Variants in LPXN observed in about 807,000 individuals in gnomAD.
LPXN encodes the protein leupaxin.
Under a neutral mutation model 45.6 loss-of-function variants are expected in LPXN, and 28 were observed. The ratio of observed to expected loss-of-function variants is 0.61; its 90% CI spans 0.45 to 0.84. The LOEUF (loss-of-function observed/expected upper bound fraction) is 0.84. Ranked by LOEUF, LPXN falls within the 40% of genes least tolerant of loss-of-function variation. The probability of loss-of-function intolerance (pLI) is 0.00; values close to 1 mark genes in which losing one functional copy is unlikely to be tolerated. For synonymous variants in LPXN, 166 were observed against 169.9 expected (o/e 0.98, Z 0.18); for missense variants, 459 against 475.0 (o/e 0.97, Z 0.31).
chr11:58,544,866 C>T (rs1370952764), intron 7 of LPXN, among the ~76,000 whole-genome samples: 1 of 152,106 alleles, frequency 6.6e-6, no homozygotes, highest in African/African-American at 2.4e-5. Flanking sequence ...AAGAGCTCAT[C>T]CCTGTGGGAG....
intron 2 of LPXN, among the ~76,000 whole-genome samples, chr11:58,568,556 T>C (rs544177718): frequency 5.5e-4 from 83 of 151,296 alleles, no homozygotes; most frequent in African/African-American, 1.7e-3. Context: ...TGAGCCAAGA[T>C]TGCACCACTG....
At chr11:58,555,829 A>C (rs1854186704) in intron 3 of LPXN, among the ~76,000 whole-genome samples, 1 of 152,052 alleles carries the variant, frequency 6.6e-6, no homozygotes, top group South Asian at 2.1e-4. Context: ...ATTGAGAAGA[A>C]AATATATAAA....
intron 7 of LPXN, among the ~76,000 whole-genome samples, chr11:58,531,101 A>C (rs2120182550): frequency 6.6e-6 from 1 of 152,320 alleles, no homozygotes; most frequent in East Asian, 1.9e-4. Flanking sequence ...ATGGGGAGAA[A>C]CCAATGCAAA....
At chr11:58,542,733 T>A (rs981881745) in intron 7 of LPXN, among the ~76,000 whole-genome samples, 13 of 152,062 alleles carry the variant, frequency 8.5e-5, no homozygotes, top group Non-Finnish European at 2.9e-5. Context: ...AAAACTATTA[T>A]GAAATTATGA....
chr11:58,571,831 T>C (rs1040954418), intron 1 of LPXN, among the ~76,000 whole-genome samples: 3 of 152,234 alleles, frequency 2.0e-5, no homozygotes, highest in Non-Finnish European at 4.4e-5. Flanking sequence ...CCTTATTTTG[T>C]AGATCACAAG....
intron 7 of LPXN, among the ~76,000 whole-genome samples, chr11:58,531,819 C>T (rs1028342747): frequency 1.3e-5 from 2 of 152,376 alleles, no homozygotes; most frequent in Middle Eastern, 3.4e-3. Flanking sequence ...GCTCTTGGCA[C>T]GTCCTTGGCC....
At chr11:58,570,377 T>C (rs1396203502) in intron 2 of LPXN, among the ~76,000 whole-genome samples, 179 bp downstream of exon 2, 1 of 151,936 alleles carries the variant, frequency 6.6e-6, no homozygotes, top group African/African-American at 2.4e-5. Flanking sequence ...TCCTCTGTGA[T>C]GATTTTCTCA....
chr11:58,576,129 T>TGC (rs1854882125), upstream of LPXN, among the ~76,000 whole-genome samples: 1 of 152,076 alleles, frequency 6.6e-6, no homozygotes, highest in Non-Finnish European at 1.5e-5. Context: ...GACTTATACT[T>TGC]GCGTTTTTTC....
Position 58,570,440 on chromosome 11 carries a change from T to C in LPXN, c.171+116A>G. The C allele has an allele frequency of 2.8e-6, 2 of 713,962 alleles. 1 individual carries two copies. The highest frequency in any genetic ancestry group is 4.3e-6 in the Non-Finnish European group (2 of 461,856). The allele number at this position is 713,962 out of a possible 1,614,324, so 44.2% of individuals were successfully genotyped here. ...TTAGATTAACATTGAGGCATTATTT[T>C]TTCTCTTTCTTGGATATATTATTCT... On this transcript the variant is annotated intron_variant, in intron 2 of 8. Coordinates refer to ENST00000395074, the MANE Select transcript of LPXN (RefSeq NM_004811.3).
At chr11:58,531,437 C>T (rs896373122) in intron 7 of LPXN, among the ~76,000 whole-genome samples, 1 of 151,260 alleles carries the variant, frequency 6.6e-6, no homozygotes, top group Non-Finnish European at 1.5e-5. Context: ...CTGAATTGAT[C>T]AAGCAGAAGA....
At chr11:58,538,837 A>T (rs1400521432) in intron 7 of LPXN, among the ~76,000 whole-genome samples, 1 of 152,104 alleles carries the variant, frequency 6.6e-6, no homozygotes, top group Non-Finnish European at 1.5e-5. Context: ...AACTTATTAC[A>T]GGTAGATTAC....
intron 2 of LPXN, among the ~76,000 whole-genome samples, chr11:58,569,066 G>A (rs1483203102): frequency 6.6e-6 from 1 of 152,146 alleles, no homozygotes; most frequent in African/African-American, 2.4e-5. Context: ...AGATAAATTC[G>A]TATCGTTAAA....
intron 3 of LPXN, among the ~76,000 whole-genome samples, chr11:58,557,059 G>A (rs532174604): frequency 2.6e-5 from 4 of 152,136 alleles, no homozygotes; most frequent in African/African-American, 7.2e-5. Flanking sequence ...GTTGGCCAGG[G>A]TATGGAGAAA....
intron 4 of LPXN, among the ~76,000 whole-genome samples, chr11:58,552,985 C>T (rs1590558542): frequency 6.6e-6 from 1 of 152,062 alleles, no homozygotes; most frequent in East Asian, 1.9e-4. Flanking sequence ...GGAAACAGTT[C>T]AGTGCAAGCT....
chr11:58,561,593 C>A (rs778337887), intron 3 of LPXN, among the ~76,000 whole-genome samples: 5 of 152,212 alleles, frequency 3.3e-5, no homozygotes, highest in African/African-American at 4.8e-5. Context: ...CTGCCACAGG[C>A]AAATGCCTTG....
chr11:58,550,052 C>G lies in LPXN; in HGVS notation c.581G>C (p.Ser194Thr), dbSNP rs779571521. The change falls in exon 6 of 9, where the codon AGT becomes ACT. Residue 194 changes from serine (S) to threonine (T), a missense_variant. Coordinates refer to ENST00000395074, the MANE Select transcript of LPXN (RefSeq NM_004811.3). Reference sequence around the variant, plus strand: ...GTCGTTGGGGCAGTAGGCCAAGCCACTCCGCTCAAAGAAGGGACTGGAGCC... The same window carrying G: ...GTCGTTGGGGCAGTAGGCCAAGCCAGTCCGCTCAAAGAAGGGACTGGAGCC... ...EIGSSPFFER[S>T]GLAYCPNDYH... The G allele has an allele frequency of 6.2e-7, 1 of 1,614,230 alleles. No individual in the cohort carries two copies. Among genetic ancestry groups the G allele is most frequent in the Non-Finnish European group, 8.5e-7 (1 of 1,180,030 alleles).
In LPXN at chr11:58,570,672, T is replaced by G. The variant is rs747499633; in HGVS notation, c.55A>C (p.Ser19Arg). The G allele has an allele frequency of 3.7e-6, 6 of 1,613,622 alleles. No homozygotes were observed. Among genetic ancestry groups the G allele is most frequent in the East Asian group, 2.2e-5 (1 of 44,866 alleles). ...EELERSTLQDSDEYSNPAPLP... is the reference protein window; with the variant it reads ...EELERSTLQDRDEYSNPAPLP... ...GGAGCTGGGTTGGAATATTCATCAC[T>G]GTCCTGAAGGGTGGAGCGTTCCAGT... The change falls in exon 2 of 9, where the codon AGT becomes CGT. Residue 19 changes from serine (S) to arginine (R), a missense_variant. Ser to Arg is a moderately radical substitution (Grantham distance 110, BLOSUM62 -1). Coordinates refer to ENST00000395074, the MANE Select transcript of LPXN (RefSeq NM_004811.3).
At chr11:58,558,850 A>G (rs1854290786) in intron 3 of LPXN, among the ~76,000 whole-genome samples, 1 of 151,966 alleles carries the variant, frequency 6.6e-6, no homozygotes, top group Non-Finnish European at 1.5e-5. Flanking sequence ...AATATATTTT[A>G]CAATTTGGGG....
intron 3 of LPXN, among the ~76,000 whole-genome samples, chr11:58,556,149 G>GT (rs565350312): frequency 6.6e-6 from 1 of 151,742 alleles, no homozygotes; most frequent in Middle Eastern, 3.4e-3. Flanking sequence ...GTTGAAATGT[G>GT]TTTTTTTTAA....
Sources: allele counts gnomAD v4.1 joint callset (sites outside exome capture counted in the v4.1 genomes callset), GRCh38; gene constraint gnomAD v4.1.1; transcripts MANE v1.5; gene names NCBI Gene and HGNC (gene_info 2026-07-23, HGNC 2026-07-21).